Variants in STXBP5L observed in about 807,000 individuals in gnomAD.
STXBP5L encodes the protein syntaxin-binding protein 5-like.
Under a neutral mutation model 144.5 loss-of-function variants are expected in STXBP5L, and 65 were observed. The ratio of observed to expected loss-of-function variants is 0.45; its 90% confidence interval spans 0.37 to 0.55. The LOEUF (loss-of-function observed/expected upper bound fraction) is 0.55. STXBP5L is among the 20% of genes least tolerant of loss of function. STXBP5L has a pLI of 0.00. For synonymous variants in STXBP5L, 505 were observed against 469.6 expected, an observed-to-expected ratio of 1.08 and a Z score of -0.97; for missense variants, 1,298 against 1,405.5, an observed-to-expected ratio of 0.92 and a Z score of 1.22.
At chr3:121,400,153 A>T (rs1243444739) in intron 22 of STXBP5L, among the ~76,000 whole-genome samples, 1 of 152,210 alleles carries the variant, frequency 6.6e-6, no homozygotes, top group Non-Finnish European at 1.5e-5. Flanking sequence ...TTGTAAGTAA[A>T]GACCAATGAG....
At chr3:121,320,701 CTTT>C (rs533248342) in intron 20 of STXBP5L, among the ~76,000 whole-genome samples, 3 of 134,876 alleles carry the variant, frequency 2.2e-5, no homozygotes, top group Non-Finnish European at 1.6e-5. Flanking sequence ...AACGACCACA[CTTT>C]TTTTTTTTTT....
At chr3:121,175,179 G>T (rs1278886341) in intron 9 of STXBP5L, among the ~76,000 whole-genome samples, 1 of 152,094 alleles carries the variant, frequency 6.6e-6, no homozygotes, top group Non-Finnish European at 1.5e-5. Context: ...AACTGTAGGA[G>T]ACAGATTCTC....
chr3:121,188,204 A>G (rs368363623), intron 9 of STXBP5L, among the ~76,000 whole-genome samples: 1 of 151,876 alleles, frequency 6.6e-6, no homozygotes, highest in Admixed American at 6.6e-5. Context: ...CATCTACAGA[A>G]CTCTCCACCC....
chr3:120,959,680 G>T (rs1240023649), intron 3 of STXBP5L, among the ~76,000 whole-genome samples: 1 of 151,782 alleles, frequency 6.6e-6, no homozygotes, highest in Non-Finnish European at 1.5e-5. Context: ...AAATGATGCT[G>T]GTGGGAAAAC....
chr3:121,203,993 C>T (rs1284504939), intron 9 of STXBP5L, among the ~76,000 whole-genome samples: 1 of 152,094 alleles, frequency 6.6e-6, no homozygotes, highest in Non-Finnish European at 1.5e-5. Context: ...AATCCCAGCA[C>T]TTTGGGAGGC....
At chr3:121,060,670 G>A (rs2041224570) in intron 5 of STXBP5L, among the ~76,000 whole-genome samples, 1 of 152,176 alleles carries the variant, frequency 6.6e-6, no homozygotes. Flanking sequence ...GGTCTATTCA[G>A]GGATTCGACT....
intron 5 of STXBP5L, among the ~76,000 whole-genome samples, chr3:121,089,723 T>C (rs979859557): frequency 6.6e-6 from 1 of 151,996 alleles, no homozygotes; most frequent in Admixed American, 6.6e-5. Flanking sequence ...TTGATAGATC[T>C]ATTGGTTTTG....
rs532170816 is a variant in STXBP5L at position 120,942,615 on chromosome 3, A to G, written c.190-12325A>G. ...TTTGGTAATTGCTTATTGCTAGTAT[A>G]GGTAATAGCTACTGATTTTTTTTTG... On this transcript the variant is annotated intron_variant, in intron 2 of 26. Coordinates refer to ENST00000471454, the MANE Select transcript of STXBP5L (RefSeq NM_001308330.2). Among the ~76,000 whole-genome samples, 10 of 151,592 alleles carry G rather than the reference A, an allele frequency of 6.6e-5. No homozygotes were observed. The East Asian group carries it at 1.7e-3, about 26-fold the overall frequency.
intron 5 of STXBP5L, among the ~76,000 whole-genome samples, chr3:121,065,751 A>G (rs531153662): frequency 6.6e-6 from 1 of 152,122 alleles, no homozygotes; most frequent in South Asian, 2.1e-4. Context: ...TTATTAGCTG[A>G]CTTTTTTGTT....
At chr3:121,139,196 A>G (rs1053664216) in intron 7 of STXBP5L, among the ~76,000 whole-genome samples, 8 of 152,046 alleles carry the variant, frequency 5.3e-5, no homozygotes, top group Non-Finnish European at 1.0e-4. Context: ...ATGATTAACA[A>G]TTATTTAGTG....
chr3:121,232,581 G>C (rs2049343098), intron 11 of STXBP5L, among the ~76,000 whole-genome samples: 1 of 152,098 alleles, frequency 6.6e-6, no homozygotes, highest in South Asian at 2.1e-4. Context: ...CCCTGATATG[G>C]AGCTGGTGAG....
chr3:121,279,676 T>C (rs2050991111), intron 18 of STXBP5L, 129 bp from the exon 19 acceptor site: 1 of 1,060,124 alleles, frequency 9.4e-7, no homozygotes, highest in African/African-American at 1.6e-5. Context: ...CTTCTTGACT[T>C]TACACAAATC....
chr3:121,088,386 T>A (rs1175575093), intron 5 of STXBP5L, among the ~76,000 whole-genome samples: 3 of 113,018 alleles, frequency 2.7e-5, no homozygotes, highest in East Asian at 2.2e-4. Context: ...TCAAAACCAC[T>A]ATGAGATATC....
chr3:121,422,280 T>C lies in STXBP5L; in HGVS notation c.*3183T>C, dbSNP rs765706728. 1.1e-4 allele frequency: 17 copies of C among 152,208 alleles called. No individual in the cohort carries two copies. The highest frequency in any genetic ancestry group is 2.0e-4 in the Admixed American group (3 of 15,280). 9.4% of individuals were successfully genotyped at this position (152,208 alleles called of 1,614,324 possible). On this transcript the variant is annotated 3_prime_UTR_variant, in exon 27 of 27. Coordinates refer to ENST00000471454, the MANE Select transcript of STXBP5L (RefSeq NM_001308330.2). ...TGGACAATGATACAGAAAGTGACTC[T>C]GAGCCTTAGTTACCATCAAAATTAC... is the stretch of plus-strand genomic sequence containing the variant.
At chr3:120,976,478 A>T (rs1056981833) in intron 3 of STXBP5L, among the ~76,000 whole-genome samples, 7 of 151,916 alleles carry the variant, frequency 4.6e-5, no homozygotes, top group Admixed American at 4.6e-4. Context: ...AATTTTGTTG[A>T]TCATTTCAAA....
intron 3 of STXBP5L, among the ~76,000 whole-genome samples, chr3:121,037,802 T>C (rs2107535093): frequency 6.6e-6 from 1 of 152,180 alleles, no homozygotes; most frequent in Non-Finnish European, 1.5e-5. Context: ...CCTGGAGTTT[T>C]CTTTGAGGAA....
chr3:121,120,552 G>C (rs2044411517), intron 6 of STXBP5L, among the ~76,000 whole-genome samples: 1 of 151,070 alleles, frequency 6.6e-6, no homozygotes, highest in Admixed American at 6.6e-5. Flanking sequence ...TATTCAGTAA[G>C]GTCAGTCCTA....
intron 7 of STXBP5L, among the ~76,000 whole-genome samples, chr3:121,139,074 C>G (rs1367050996): frequency 6.6e-6 from 1 of 151,812 alleles, no homozygotes; most frequent in African/African-American, 2.4e-5. Flanking sequence ...TTATTAGAAA[C>G]TAGGAAGAGT....
At chr3:121,032,449 T>C (rs74280556) in intron 3 of STXBP5L, among the ~76,000 whole-genome samples, 18,277 of 152,166 alleles carry the variant, frequency 0.12, 1,153 homozygotes, top group Non-Finnish European at 0.14. Flanking sequence ...AATAAATTCA[T>C]GTGTTTTTCA....
Sources: gnomAD v4.1 joint callset for allele counts (sites outside exome capture counted in the v4.1 genomes callset) on GRCh38, gnomAD v4.1.1 for gene constraint, MANE v1.5 for transcripts, NCBI Gene and HGNC (gene_info 2026-07-23, HGNC 2026-07-21) for gene names.